Variants in TAF15 observed in about 807,000 individuals in gnomAD.
TAF15 encodes the protein TATA-binding protein-associated factor 2N.
Under a neutral mutation model 102.5 loss-of-function variants are expected in TAF15, and 37 were observed. That is an observed-to-expected ratio of 0.36 (90% CI 0.28 to 0.47). The LOEUF is 0.47. Among genes scored for constraint, TAF15 ranks in the 20% least tolerant of loss-of-function variants. TAF15 has a pLI of 0.99. For synonymous variants in TAF15, 273 were observed against 259.2 expected, an observed-to-expected ratio of 1.05 and a Z score of -0.51; for missense variants, 652 against 760.7, an observed-to-expected ratio of 0.86 and a Z score of 1.68.
At chr17:35,817,125 A>G (rs938904487) in intron 1 of TAF15, 9 of 152,302 alleles carry the variant, frequency 5.9e-5, no homozygotes, top group African/African-American at 1.7e-4. Flanking sequence ...TTTGATTGCT[A>G]AATTGAAGCT....
intron 1 of TAF15, among the ~76,000 whole-genome samples, chr17:35,815,972 T>C (rs1047684717): frequency 3.4e-4 from 52 of 152,284 alleles, no homozygotes; most frequent in African/African-American, 1.2e-3. Flanking sequence ...ATACTTTTTT[T>C]CTCTTTTGAG....
chr17:35,829,748 T>C (rs1385687562), intron 7 of TAF15, among the ~76,000 whole-genome samples: 3 of 151,858 alleles, frequency 2.0e-5, no homozygotes, highest in Admixed American at 1.3e-4. Context: ...CTTCGAAATA[T>C]GTACTGCTGT....
intron 1 of TAF15, among the ~76,000 whole-genome samples, chr17:35,812,369 G>A (rs1389032011): frequency 6.6e-6 from 1 of 151,998 alleles, no homozygotes; most frequent in African/African-American, 2.4e-5. Flanking sequence ...GGCCGAGGCG[G>A]GTGGATCACC....
chr17:35,816,214 C>T (rs1223819605), intron 1 of TAF15, among the ~76,000 whole-genome samples: 1 of 152,170 alleles, frequency 6.6e-6, no homozygotes, highest in African/African-American at 2.4e-5. Flanking sequence ...TTTGGTATCA[C>T]CCACTTATAT....
In TAF15 at chr17:35,822,726, A is replaced by G. The variant is rs1472037899; in HGVS notation, c.377A>G (p.Gln126Arg). The stretch of plus-strand genomic sequence containing the variant: ...CAGCAGTCAGGCTATGATCAACATC[A>G]AGGCTCATATGATGAGCAGTCAAAT... ...YDQQSGYDQHQGSYDEQSNYD... is the reference protein window; with the variant it reads ...YDQQSGYDQHRGSYDEQSNYD... The change falls in exon 6 of 16, where the codon CAA becomes CGA. Residue 126 changes from glutamine (Q) to arginine (R), a missense_variant. By Grantham distance (43) the Gln-to-Arg change is conservative. This residue lies in a region of TAF15 where 243 missense variants were observed against 284.1 expected (regional missense o/e 0.86). Transcript: ENST00000605844. 19 of 1,614,110 alleles carry G rather than the reference A, an allele frequency of 1.2e-5. No homozygotes were observed. Among genetic ancestry groups the G allele is most frequent in the Non-Finnish European group, 1.6e-5 (19 of 1,180,052 alleles).
chr17:35,822,560 CTT>C, intron 5 of TAF15, 78 bp from the exon 6 acceptor site: 4 of 1,361,396 alleles, frequency 2.9e-6, no homozygotes, highest in Non-Finnish European at 4.1e-6. Flanking sequence ...GGTCAGGACT[CTT>C]AACATCAGTT....
rs568249928 is a variant in TAF15, at chr17:35,835,922, C to T, written c.674-210C>T. Among the ~76,000 whole-genome samples, 15 of 152,304 alleles carry T rather than the reference C, an allele frequency of 9.8e-5. No individual in the cohort carries two copies. The South Asian group carries it at 3.1e-3, about 32-fold the overall frequency. ...TTTCACATAGTGTGGACTTGATCCA[C>T]TTTACTTGAAATTTAGTTGTAAGAA... is the stretch of plus-strand genomic sequence containing the variant. On this transcript the variant is annotated intron_variant, in intron 9 of 15. Coordinates refer to ENST00000605844, the MANE Select transcript of TAF15 (RefSeq NM_139215.3).
At chr17:35,834,079 T>A (rs540846230) in intron 8 of TAF15, 138 bp downstream of exon 8, 310 of 563,602 alleles carry the variant, frequency 5.5e-4, no homozygotes, top group African/African-American at 3.2e-3. Flanking sequence ...AAAAAAAATT[T>A]TATATATATA....
rs55754009 is a variant in TAF15, at chr17:35,813,117, CAAAAAAA to C, written c.7+3557_7+3563del. ...TGGGTGACAGAGCAAGACTCTGTCT[CAAAAAAA>C]AAAAAAAAAAAAAAAGATCAAGGTG... is the stretch of plus-strand genomic sequence containing the variant. On this transcript the variant is annotated intron_variant, in intron 1 of 15. Transcript: ENST00000605844. Among the ~76,000 whole-genome samples, 7 of 58,944 alleles carry C rather than the reference CAAAAAAA, an allele frequency of 1.2e-4. No individual in the cohort carries two copies. In the East Asian group the frequency reaches 1.7e-3, roughly 14 times the overall value. 38.7% of individuals were successfully genotyped at this position (58,944 alleles called of 152,430 possible).
chr17:35,813,285 C>T (rs529707794), intron 1 of TAF15, among the ~76,000 whole-genome samples: 5 of 152,102 alleles, frequency 3.3e-5, no homozygotes, highest in African/African-American at 9.6e-5. Context: ...ACTTATCTCA[C>T]AGATGTGGAA....
intron 11 of TAF15, among the ~76,000 whole-genome samples, chr17:35,841,443 T>TC (rs2087542532): frequency 6.6e-6 from 1 of 151,924 alleles, no homozygotes; most frequent in Non-Finnish European, 1.5e-5. Context: ...AGTTTTTTTT[T>TC]CCCCATGGGA....
chr17:35,809,709 G>A (rs1239946547), intron 1 of TAF15, 133 bp downstream of exon 1: 9 of 1,243,808 alleles, frequency 7.2e-6, no homozygotes, highest in Middle Eastern at 2.7e-4. Flanking sequence ...GGGGGCGGCC[G>A]CTGCCGCCGC....
At chr17:35,833,788 T>TA (rs1291157683) in intron 7 of TAF15, 119 bp from the exon 8 acceptor site, 6 of 932,462 alleles carry the variant, frequency 6.4e-6, no homozygotes, top group Non-Finnish European at 1.0e-5. Flanking sequence ...ACTGAAAACT[T>TA]AGAGGTGCTA....
At position 35,846,954 on chromosome 17, in the gene TAF15, T is replaced by G. The variant is rs1197788203; in HGVS notation, c.*9T>G. ...GCAACCGACCATACTGATGACTGTT[T>G]TGAATGTTCCTTTGTCTCTGACATG... is the stretch of plus-strand genomic sequence containing the variant. On this transcript the variant is annotated 3_prime_UTR_variant, in exon 16 of 16. Transcript: ENST00000605844. 2 of 1,614,188 alleles carry G rather than the reference T, an allele frequency of 1.2e-6. No individual in the cohort carries two copies. Among genetic ancestry groups the G allele is most frequent in the Admixed American group, 1.7e-5 (1 of 60,030 alleles).
intron 11 of TAF15, among the ~76,000 whole-genome samples, chr17:35,842,007 A>G (rs548321673): frequency 1.3e-5 from 2 of 151,622 alleles, no homozygotes; most frequent in Non-Finnish European, 2.9e-5. Context: ...CTTTTTCTCC[A>G]CCCCTGACAC....
intron 5 of TAF15, among the ~76,000 whole-genome samples, chr17:35,820,769 T>A (rs967557705): frequency 6.6e-6 from 1 of 152,152 alleles, no homozygotes; most frequent in Non-Finnish European, 1.5e-5. Flanking sequence ...AAATTTCCAT[T>A]TTATTTTTGA....
chr17:35,820,650 C>T (rs561286860), intron 5 of TAF15, among the ~76,000 whole-genome samples: 27 of 151,966 alleles, frequency 1.8e-4, no homozygotes, highest in African/African-American at 6.3e-4. Flanking sequence ...CATTGTTTAG[C>T]TATAAATTGA....
intron 2 of TAF15, chr17:35,818,512 T>C (rs1415702546): frequency 1.3e-5 from 2 of 152,184 alleles, no homozygotes; most frequent in Non-Finnish European, 2.9e-5. Context: ...GAAACAATTA[T>C]TAAAGAAATT....
chr17:35,840,132 T>C (rs1434411536), intron 11 of TAF15, among the ~76,000 whole-genome samples: 1 of 152,150 alleles, frequency 6.6e-6, no homozygotes, highest in African/African-American at 2.4e-5. Flanking sequence ...TCAGCCGTGC[T>C]GGATCTACTC....
Sources: gnomAD v4.1 joint callset for allele counts (sites outside exome capture counted in the v4.1 genomes callset) on GRCh38, gnomAD v4.1.1 for gene constraint, gnomAD v4.1.1 regional missense constraint, MANE v1.5 for transcripts, NCBI Gene and HGNC (gene_info 2026-07-23, HGNC 2026-07-21) for gene names.